PITPNM1: variants seen among roughly 807,000 people sequenced by gnomAD.
PITPNM1 encodes membrane-associated phosphatidylinositol transfer protein 1.
A neutral mutation model predicts 133.3 loss-of-function variants in PITPNM1; 74 were observed. That is an observed-to-expected ratio of 0.56 (90% CI 0.46 to 0.67). The LOEUF (loss-of-function observed/expected upper bound fraction) is 0.67, where lower values mean the gene tolerates loss of function less well. PITPNM1 is among the 30% of genes least tolerant of loss of function. The pLI is 0.00. For synonymous variants in PITPNM1, 738 were observed against 741.4 expected, an observed-to-expected ratio of 1.00 and a Z score of 0.08; for missense variants, 1,398 against 1,739.5, an observed-to-expected ratio of 0.80 and a Z score of 3.49.
chr11:67,502,157 C>T lies in PITPNM1; in HGVS notation c.416-71G>A. ...CCCCGCTCCTGGCACCCTCTTGGGA[C>T]TGGATGACAGTTCCCGTCCTTTTGC... On this transcript the variant is annotated intron_variant, in intron 4 of 23. Coordinates refer to ENST00000356404, the MANE Select transcript of PITPNM1 (RefSeq NM_004910.3). The surrounding 1 kb of genome is among the most constrained non-coding windows in gnomAD (Gnocchi z 5.9). 1 of 1,561,158 alleles carries T rather than the reference C, an allele frequency of 6.4e-7. No individual in the cohort carries two copies. The highest frequency in any genetic ancestry group is 8.7e-7 in the Non-Finnish European group (1 of 1,145,774).
intron 18 of PITPNM1, 98 bp from the exon 19 acceptor site, chr11:67,494,458 G>T: frequency 1.2e-6 from 1 of 812,638 alleles, no homozygotes; most frequent in South Asian, 1.8e-5. Context: ...ACCGGGGTGG[G>T]GGCCTAGAGG....
At chr11:67,494,546 C>T (rs1332809178) in intron 18 of PITPNM1, among the ~76,000 whole-genome samples, 186 bp from the exon 19 acceptor site, 1 of 152,060 alleles carries the variant, frequency 6.6e-6, no homozygotes, top group Non-Finnish European at 1.5e-5. Flanking sequence ...TGTGTGTGGG[C>T]CGCGCCTCCA....
chr11:67,503,135 G>A (rs1476167259), intron 2 of PITPNM1, among the ~76,000 whole-genome samples: 3 of 152,228 alleles, frequency 2.0e-5, no homozygotes, highest in Non-Finnish European at 4.4e-5. Context: ...CCTAGAGTAG[G>A]GTATAGGTGA....
rs542813769 is a variant in PITPNM1, at chr11:67,495,522, C to G, written c.2398G>C (p.Gly800Arg). 3.8e-6 allele frequency: 6 copies of G among 1,587,340 alleles called. No homozygotes were observed. The highest frequency in any genetic ancestry group is 5.1e-6 in the Non-Finnish European group (6 of 1,169,548). The change falls in exon 16 of 24, where the codon GGT becomes CGT. Residue 800 changes from glycine (G) to arginine (R), a missense_variant. Physicochemically the swap from Gly to Arg is moderately radical, Grantham distance 125. Around this residue, in one of 5 missense-constraint regions of PITPNM1, gnomAD observed 574 missense variants for 698.7 expected, o/e 0.82. Coordinates refer to ENST00000356404, the MANE Select transcript of PITPNM1 (RefSeq NM_004910.3). The part of the protein sequence containing the change: ...LVPSTPTSTS[G>R]AFWKGSELAT... Reference sequence around the variant, plus strand: ...AACTCACTGCCCTTCCAGAAGGCACCGCTAGTAGAGGTGGGTGTTGAGGGC... The same window carrying G: ...AACTCACTGCCCTTCCAGAAGGCACGGCTAGTAGAGGTGGGTGTTGAGGGC...
Position 67,502,741 on chromosome 11 carries a change from A to G in PITPNM1, c.79-23T>C. 1 of 1,602,320 alleles carries G rather than the reference A, an allele frequency of 6.2e-7. No homozygotes were observed. The highest frequency in any genetic ancestry group is 1.7e-5 in the Admixed American group (1 of 59,884). ...TTTCTGTGGCCCAAGGGAGAGCAGG[A>G]CAGGGAGCTCAGCCCCAGCTTAGCA... On this transcript the variant is annotated intron_variant, in intron 2 of 23. Coordinates refer to ENST00000356404, the MANE Select transcript of PITPNM1 (RefSeq NM_004910.3). This position sits in a 1 kb window ranked among gnomAD's most constrained non-coding sequence, Gnocchi z 5.9.
In PITPNM1 at chr11:67,500,317, C is replaced by T; in HGVS notation, c.745G>A (p.Ala249Thr). Residue 249 changes from alanine (A) to threonine (T), a missense_variant, in exon 6 of 24, where the codon GCT becomes ACT. Ala to Thr is a moderately conservative substitution (Grantham distance 58, BLOSUM62 0). Around this residue, in one of 5 missense-constraint regions of PITPNM1, gnomAD observed 274 missense variants for 360.7 expected, o/e 0.76. Transcript: ENST00000356404. ...ADIRALEEET[A>T]RMLAQRMAKC... Reference sequence around the variant, plus strand: ...GCCATGCGCTGGGCCAGCATGCGAGCAGTCTCCTCTTCCAGTGCCCGGATG... The same window carrying T: ...GCCATGCGCTGGGCCAGCATGCGAGTAGTCTCCTCTTCCAGTGCCCGGATG... 1 of 1,611,906 alleles carries T rather than the reference C, an allele frequency of 6.2e-7. No homozygotes were observed.
Position 67,504,092 on chromosome 11 carries a change from GC to G in PITPNM1, c.78+10del. 5.7e-6 allele frequency: 9 copies of G among 1,587,304 alleles called. No homozygotes were observed. Among genetic ancestry groups the G allele is most frequent in the Non-Finnish European group, 6.8e-6 (8 of 1,169,424 alleles). On this transcript the variant is annotated intron_variant, in intron 2 of 23. Coordinates refer to ENST00000356404, the MANE Select transcript of PITPNM1 (RefSeq NM_004910.3). The surrounding 1 kb of genome is among the most constrained non-coding windows in gnomAD (Gnocchi z 5.4). ...CCCCTTGCCCGGGTGCCCTCTCCCC[GC>G]CGCCCTCACCTGGATCATGTAGAGC...
At chr11:67,494,758 G>C (rs1303080311) in intron 18 of PITPNM1, 88 bp downstream of exon 18, 3 of 775,480 alleles carry the variant, frequency 3.9e-6, no homozygotes, top group Non-Finnish European at 6.5e-6. Flanking sequence ...GACCCGAGGA[G>C]GGGGGTGCTG....
At position 67,493,309 on chromosome 11, in the gene PITPNM1, C is replaced by G. The variant is rs1027599719; in HGVS notation, c.3342+101G>C. On this transcript the variant is annotated intron_variant, in intron 22 of 23. Transcript: ENST00000356404. Reference sequence around the variant, plus strand: ...CGCTGCAGTCAGGCAGGGCCCGGGCCGATCCAGTTGGGAACAGATGGGCCT... The same window carrying G: ...CGCTGCAGTCAGGCAGGGCCCGGGCGGATCCAGTTGGGAACAGATGGGCCT... The G allele has an allele frequency of 4.8e-5, 63 of 1,312,512 alleles. No individual in the cohort carries two copies. The African/African-American group carries it at 8.0e-4, about 17-fold the overall frequency. 81.3% of individuals were successfully genotyped at this position (1,312,512 alleles called of 1,614,324 possible).
chr11:67,505,923 G>C (rs965384415), upstream of PITPNM1, among the ~76,000 whole-genome samples: 1 of 152,202 alleles, frequency 6.6e-6, no homozygotes, highest in African/African-American at 2.4e-5. The surrounding 1 kb of genome is among the most constrained non-coding windows in gnomAD (Gnocchi z 5.8). Flanking sequence ...CCACAAGTCC[G>C]GTCACCCAGC....
chr11:67,495,038 G>A (rs769993810), intron 17 of PITPNM1, 39 bp downstream of exon 17: 16 of 1,604,680 alleles, frequency 1.0e-5, no homozygotes, highest in African/African-American at 1.3e-5. Flanking sequence ...GCCCATCCCC[G>A]TCCCATTCTC....
intron 15 of PITPNM1, 39 bp downstream of exon 15, chr11:67,496,139 C>A: frequency 6.8e-7 from 1 of 1,463,624 alleles, no homozygotes; most frequent in Non-Finnish European, 9.0e-7. Flanking sequence ...CCTGTGTGTG[C>A]CCTCCTCCTT....
In PITPNM1 at chr11:67,502,458, G is replaced by T. The variant is rs373283227; in HGVS notation, c.294-45C>A. 49 of 1,613,590 alleles carry T rather than the reference G, an allele frequency of 3.0e-5. No homozygotes were observed. The African/African-American group carries it at 5.5e-4, about 18-fold the overall frequency. On this transcript the variant is annotated intron_variant, in intron 3 of 23. Coordinates refer to ENST00000356404, the MANE Select transcript of PITPNM1 (RefSeq NM_004910.3). The surrounding 1 kb of genome is among the most constrained non-coding windows in gnomAD (Gnocchi z 5.9). ...GAGGCTCACTGCTGTACCCACCAGG[G>T]CCGCTCCCCTCCTGGCCTCGGACCA...
At position 67,498,889 on chromosome 11, in the gene PITPNM1, C is replaced by T. The variant is rs17847836; in HGVS notation, c.1234-43G>A. On this transcript the variant is annotated intron_variant, in intron 9 of 23. Transcript: ENST00000356404. This position sits in a 1 kb window ranked among gnomAD's most constrained non-coding sequence, Gnocchi z 5.7. ...GTGCAGTGGGTGTCACAGCAGTGGC[C>T]GGGCCAGTGAGTAGGGGGAGCTTTG... 817 of 1,610,660 alleles carry T rather than the reference C, an allele frequency of 5.1e-4. 9 individuals carry two copies. The East Asian group carries it at 9.7e-3, about 19-fold the overall frequency.
intron 5 of PITPNM1, 143 bp downstream of exon 5, chr11:67,501,719 G>A (rs1475808194): frequency 8.6e-6 from 6 of 694,690 alleles, no homozygotes; most frequent in East Asian, 2.7e-5. Flanking sequence ...CTGTGCGGCC[G>A]CTTCTGCCCT....
intron 18 of PITPNM1, 110 bp from the exon 19 acceptor site, chr11:67,494,470 G>A (rs1197097005): frequency 2.6e-6 from 2 of 761,624 alleles, no homozygotes; most frequent in Admixed American, 5.8e-5. Flanking sequence ...GCCTAGAGGC[G>A]GCGGGGCATT....
intron 6 of PITPNM1, 38 bp from the exon 7 acceptor site, chr11:67,500,047 C>T (rs775163019): frequency 5.0e-6 from 8 of 1,605,652 alleles, no homozygotes; most frequent in South Asian, 1.1e-5. Flanking sequence ...AGCCCAGGAG[C>T]CCAGCCTGGG....
rs764838275 is a variant in PITPNM1, at chr11:67,493,961, G to C, written c.2969C>G (p.Ala990Gly). The C allele has an allele frequency of 4.4e-6, 7 of 1,609,072 alleles. No individual in the cohort carries two copies. Among genetic ancestry groups the C allele is most frequent in the Non-Finnish European group, 5.9e-6 (7 of 1,178,022 alleles). The change falls in exon 20 of 24, where the codon GCG becomes GGG. Residue 990 changes from alanine to glycine, a missense_variant. Transcript: ENST00000356404. Reference sequence around the variant, plus strand: ...CACGGGGTAGACACCAATGCCCAGCGCGCGTTCTGGGGGAACTGGGAAGGT... The same window carrying C: ...CACGGGGTAGACACCAATGCCCAGCCCGCGTTCTGGGGGAACTGGGAAGGT... ...RLTFPVPPER[A>G]LGIGVYPVRM...
Position 67,493,680 on chromosome 11 carries a change from A to T in PITPNM1, c.3158+8T>A. The T allele has an allele frequency of 6.5e-7, 1 of 1,545,420 alleles. No homozygotes were observed. On this transcript the variant is annotated splice_region_variant and intron_variant, in intron 21 of 23. Coordinates refer to ENST00000356404, the MANE Select transcript of PITPNM1 (RefSeq NM_004910.3). The stretch of plus-strand genomic sequence containing the variant: ...GAAATGGGTGGTGGTGGCAGTGGCA[A>T]CTCCTACCTGACCACGTCCACGGCG...
Sources: gnomAD v4.1 joint callset for allele counts (sites outside exome capture counted in the v4.1 genomes callset) on GRCh38, gnomAD v4.1.1 for gene constraint, gnomAD v4.1.1 regional missense constraint, Gnocchi (gnomAD v3.1) non-coding constraint, MANE v1.5 for transcripts, NCBI Gene and HGNC (gene_info 2026-07-23, HGNC 2026-07-21) for gene names.